MYLK: variants seen among roughly 807,000 people sequenced by gnomAD.
MYLK encodes myosin light chain kinase, smooth muscle.
In MYLK, 106 loss-of-function variants were observed where a neutral mutation model predicts 203.4. That is an observed-to-expected ratio of 0.52 (90% CI 0.45 to 0.61). MYLK has a LOEUF of 0.61. Among genes scored for constraint, MYLK ranks in the 20% least tolerant of loss-of-function variants. MYLK has a pLI of 0.00. For synonymous variants in MYLK, 867 were observed against 959.5 expected, an observed-to-expected ratio of 0.90 and a Z score of 1.78; for missense variants, 2,072 against 2,442.3, an observed-to-expected ratio of 0.85 and a Z score of 3.20.
chr3:123,677,918 TACAC>T (rs1227637591), intron 20 of MYLK, among the ~76,000 whole-genome samples: 14 of 78,894 alleles, frequency 1.8e-4, no homozygotes, highest in African/African-American at 7.3e-4. Context: ...TATATATATA[TACAC>T]ACACACACAC....
chr3:123,693,149 T>C (rs1391054814), intron 18 of MYLK, among the ~76,000 whole-genome samples: 2 of 152,188 alleles, frequency 1.3e-5, no homozygotes, highest in Non-Finnish European at 2.9e-5. Context: ...AAATAGCCTC[T>C]GCCTTTGGAG....
At chr3:123,751,518 T>C (rs113546804) in intron 5 of MYLK, among the ~76,000 whole-genome samples, 2 of 152,248 alleles carry the variant, frequency 1.3e-5, no homozygotes, top group Admixed American at 6.5e-5. Context: ...ACATAATTTT[T>C]AATAATGAGC....
rs184872505 is a variant in MYLK, at chr3:123,779,563, G to A, written c.165+14114C>T. Among the ~76,000 whole-genome samples, 23 of 152,256 alleles carry A rather than the reference G, an allele frequency of 1.5e-4. No homozygotes were observed. The East Asian group carries it at 4.4e-3, about 29-fold the overall frequency. On this transcript the variant is annotated intron_variant, in intron 4 of 33. Transcript: ENST00000360304. Reference sequence around the variant, plus strand: ...CTCCAGCTCTCAACAGGCTCTGCCTGCCCCCACCTCGTCCTGCCGTAATCC... The same window carrying A: ...CTCCAGCTCTCAACAGGCTCTGCCTACCCCCACCTCGTCCTGCCGTAATCC...
chr3:123,856,908 G>T (rs914976767), intron 2 of MYLK, among the ~76,000 whole-genome samples: 8 of 151,840 alleles, frequency 5.3e-5, no homozygotes, highest in Non-Finnish European at 1.0e-4. Flanking sequence ...CTGACAAAGG[G>T]CTAATATCCA....
intron 2 of MYLK, among the ~76,000 whole-genome samples, chr3:123,857,217 A>G: frequency 6.6e-6 from 1 of 152,176 alleles, no homozygotes; most frequent in African/African-American, 2.4e-5. Context: ...AACTAGTTCA[A>G]CCATTGTGGA....
chr3:123,674,058 C>T (rs1396395897), intron 20 of MYLK, among the ~76,000 whole-genome samples: 7 of 152,180 alleles, frequency 4.6e-5, no homozygotes, highest in African/African-American at 1.7e-4. Context: ...AGACCTCTCT[C>T]CTGAGCCCAT....
intron 4 of MYLK, among the ~76,000 whole-genome samples, chr3:123,765,322 G>A (rs1291761221): frequency 6.6e-6 from 1 of 152,090 alleles, no homozygotes; most frequent in Non-Finnish European, 1.5e-5. Context: ...CCTGAGGTCA[G>A]GGGTTCGAGA....
At chr3:123,837,542 T>C (rs2066503618) in intron 2 of MYLK, among the ~76,000 whole-genome samples, 1 of 147,438 alleles carries the variant, frequency 6.8e-6, no homozygotes, top group African/African-American at 2.5e-5. Context: ...ATATTTTATA[T>C]ATATATGCTC....
At chr3:123,757,991 ATCT>A (rs2063412270) in intron 4 of MYLK, among the ~76,000 whole-genome samples, 1 of 152,158 alleles carries the variant, frequency 6.6e-6, no homozygotes, top group African/African-American at 2.4e-5. Context: ...AGAAGAATCA[ATCT>A]TCTTCTGCCC....
intron 4 of MYLK, among the ~76,000 whole-genome samples, chr3:123,778,161 A>G (rs2064147246): frequency 1.3e-5 from 2 of 152,122 alleles, no homozygotes. Context: ...GGGGGGCGAT[A>G]ATTGGTTCTC....
chr3:123,753,376 C>T (rs1168419491), intron 4 of MYLK, among the ~76,000 whole-genome samples: 1 of 152,108 alleles, frequency 6.6e-6, no homozygotes, highest in African/African-American at 2.4e-5. Flanking sequence ...GGTAGTGCTG[C>T]TCTAGACCAC....
intron 29 of MYLK, among the ~76,000 whole-genome samples, chr3:123,634,198 G>A (rs546668003): frequency 3.3e-5 from 5 of 152,336 alleles, no homozygotes; most frequent in African/African-American, 9.6e-5. Flanking sequence ...AGGAAGCAGC[G>A]ACCTGGGGTT....
intron 2 of MYLK, among the ~76,000 whole-genome samples, chr3:123,843,293 T>C (rs1016572882): frequency 3.3e-5 from 5 of 152,158 alleles, no homozygotes; most frequent in Admixed American, 6.6e-5. Flanking sequence ...TCCTTGCAAA[T>C]TGGGGCACAG....
At chr3:123,869,843 T>A (rs1174480057) in intron 2 of MYLK, among the ~76,000 whole-genome samples, 1 of 152,204 alleles carries the variant, frequency 6.6e-6, no homozygotes, top group East Asian at 1.9e-4. Flanking sequence ...CCAGGTCTGT[T>A]AGCTCCAGGA....
At chr3:123,695,146 T>C (rs2060862966) in intron 18 of MYLK, among the ~76,000 whole-genome samples, 1 of 152,132 alleles carries the variant, frequency 6.6e-6, no homozygotes, top group Non-Finnish European at 1.5e-5. Context: ...GAGGCTCTGC[T>C]ATAGGGCTGC....
chr3:123,832,618 A>G (rs1325007108), intron 2 of MYLK, among the ~76,000 whole-genome samples: 1 of 152,246 alleles, frequency 6.6e-6, no homozygotes, highest in East Asian at 1.9e-4. Flanking sequence ...AAGAGGGCAG[A>G]GCCCTGGAGA....
chr3:123,774,840 C>A (rs555559254), intron 4 of MYLK, among the ~76,000 whole-genome samples: 1 of 152,060 alleles, frequency 6.6e-6, no homozygotes, highest in East Asian at 1.9e-4. Context: ...ATTAATATAC[C>A]GACCATAGAG....
chr3:123,709,585 A>G (rs2061610323), intron 14 of MYLK, 171 bp downstream of exon 14: 2 of 820,132 alleles, frequency 2.4e-6, no homozygotes, highest in East Asian at 2.5e-5. Context: ...TCCTACCCAG[A>G]GAAGGCAGAA....
chr3:123,856,809 A>G (rs1230454022), intron 2 of MYLK, among the ~76,000 whole-genome samples: 1 of 152,202 alleles, frequency 6.6e-6, no homozygotes, highest in Non-Finnish European at 1.5e-5. Context: ...ATCTAATTAA[A>G]CTAAAGAGTT....
Sources: gnomAD v4.1 joint callset for allele counts (sites outside exome capture counted in the v4.1 genomes callset) on GRCh38, gnomAD v4.1.1 for gene constraint, MANE v1.5 for transcripts, NCBI Gene and HGNC (gene_info 2026-07-23, HGNC 2026-07-21) for gene names.